The following TLN2 variants were observed in gnomAD, a reference collection of about 807,000 sequenced individuals.
The protein encoded by TLN2 is talin-2.
In TLN2, 118 loss-of-function variants were observed where a neutral mutation model predicts 294.7. The observed-to-expected ratio is 0.40, with a 90% CI of 0.34 to 0.47. The LOEUF (loss-of-function observed/expected upper bound fraction) is 0.47. TLN2 is among the 20% of genes least tolerant of loss of function. TLN2 has a pLI of 0.84. For synonymous variants in TLN2, 1,431 were observed against 1,304.5 expected (o/e 1.10, Z -2.09); for missense variants, 3,083 against 3,282.2 (o/e 0.94, Z 1.48).
rs375223503 is a variant in TLN2, at chr15:62,833,671, G to C, written c.7128+42G>C. ...ACCACATGCGGGACACTCAACGTAC[G>C]AGAGCCTCAGGGGGCCCAGGAAAAG... On this transcript the variant is annotated intron_variant, in intron 55 of 58. Transcript: ENST00000636159. 5 of 1,597,850 alleles carry C rather than the reference G, an allele frequency of 3.1e-6. No homozygotes were observed. In the South Asian group the frequency reaches 4.5e-5, roughly 14 times the overall value.
intron 2 of TLN2, among the ~76,000 whole-genome samples, chr15:62,607,587 A>C (rs2047558716): frequency 6.6e-6 from 1 of 152,226 alleles, no homozygotes; most frequent in South Asian, 2.1e-4. Flanking sequence ...CGAAACGTCC[A>C]AAAGGATCCC....
At chr15:62,393,742 A>G (rs1220947103) in intron 1 of TLN2, among the ~76,000 whole-genome samples, 1 of 152,024 alleles carries the variant, frequency 6.6e-6, no homozygotes, top group African/African-American at 2.4e-5. Context: ...TTTATTGCAA[A>G]CCCTCCAATC....
intron 1 of TLN2, among the ~76,000 whole-genome samples, chr15:62,426,151 G>A (rs2034693979): frequency 1.3e-5 from 2 of 152,182 alleles, no homozygotes; most frequent in African/African-American, 4.8e-5. Context: ...CCTTGGAGAA[G>A]CCATGGGGTG....
intron 2 of TLN2, among the ~76,000 whole-genome samples, chr15:62,616,042 ATTTTC>A (rs1315490151): frequency 1.3e-5 from 2 of 151,750 alleles, no homozygotes; most frequent in African/African-American, 4.8e-5. Flanking sequence ...TACTTGTTTT[ATTTTC>A]TTAATAAGCT....
Position 62,844,409 on chromosome 15 carries a change from C to G in TLN2, c.*3799C>G, listed in dbSNP as rs1236337214. On this transcript the variant is annotated 3_prime_UTR_variant, in exon 59 of 59. Coordinates refer to ENST00000636159, the MANE Select transcript of TLN2 (RefSeq NM_015059.3). ...TCCTCTGAGCCCACCTCCCAGCCCTCCAGGGAGCATCAGTGTACCTGAGTC... is the reference window on the plus strand; with the variant it reads ...TCCTCTGAGCCCACCTCCCAGCCCTGCAGGGAGCATCAGTGTACCTGAGTC... 1 of 152,040 alleles carries G rather than the reference C, an allele frequency of 6.6e-6. No individual in the cohort carries two copies. Among genetic ancestry groups the G allele is most frequent in the Non-Finnish European group, 1.5e-5 (1 of 68,010 alleles). The allele number at this position is 152,040 out of a possible 1,614,324, so 9.4% of individuals were successfully genotyped here. A position where few individuals can be genotyped will look rare whatever the true frequency, so the allele number is the denominator to read the frequency against.
chr15:62,526,085 A>T (rs1329016462), intron 1 of TLN2, among the ~76,000 whole-genome samples: 4 of 152,188 alleles, frequency 2.6e-5, no homozygotes, highest in African/African-American at 7.2e-5. Context: ...TATGTTACAT[A>T]CTCAATTAAC....
intron 53 of TLN2, among the ~76,000 whole-genome samples, chr15:62,819,977 C>G (rs778484371): frequency 6.6e-6 from 1 of 152,152 alleles, no homozygotes; most frequent in Non-Finnish European, 1.5e-5. Flanking sequence ...GAAAATGATG[C>G]TACCTGAAAA....
At position 62,841,843 on chromosome 15, in the gene TLN2, C is replaced by T. The variant is rs551706372; in HGVS notation, c.*1233C>T. ...GGCAGTGCATGGAAGATGAATGGCT[C>T]GTGGGACAGAATCTAATGCCAGGGA... On this transcript the variant is annotated 3_prime_UTR_variant, in exon 59 of 59. Coordinates refer to ENST00000636159, the MANE Select transcript of TLN2 (RefSeq NM_015059.3). 2.6e-5 allele frequency: 4 copies of T among 152,182 alleles called. No homozygotes were observed. The highest frequency in any genetic ancestry group is 7.2e-5 in the African/African-American group (3 of 41,524). The allele number at this position is 152,182 out of a possible 1,614,324, so 9.4% of individuals were successfully genotyped here.
intron 4 of TLN2, among the ~76,000 whole-genome samples, chr15:62,648,492 A>G (rs1211106933): frequency 2.0e-5 from 3 of 149,916 alleles, no homozygotes; most frequent in Non-Finnish European, 4.4e-5. Flanking sequence ...TCTTGAAAAG[A>G]TCTGCTTCTC....
At chr15:62,680,830 T>C (rs939154358) in intron 11 of TLN2, among the ~76,000 whole-genome samples, 19 of 152,150 alleles carry the variant, frequency 1.2e-4, no homozygotes, top group African/African-American at 4.6e-4. Flanking sequence ...AGCATATGGT[T>C]TTTGGTTTTC....
At chr15:62,716,297 G>A in intron 22 of TLN2, 34 bp from the exon 23 acceptor site, 1 of 1,552,600 alleles carries the variant, frequency 6.4e-7, no homozygotes, top group Non-Finnish European at 8.7e-7. Context: ...GTCTCCTGCT[G>A]GACCACTTGA....
At position 62,805,779 on chromosome 15, in the gene TLN2, T is replaced by C. The variant is rs200642903; in HGVS notation, c.6657T>C (p.Ala2219=). The C allele has an allele frequency of 6.2e-7, 1 of 1,613,116 alleles. No individual in the cohort carries two copies. The highest frequency in any genetic ancestry group is 1.3e-5 in the African/African-American group (1 of 75,056). ...AAGCCGTGTCAGATATGTTGACGGCTTGCAAGGTAAAGAGCTTGGCATGGT... is the reference window on the plus strand; with the variant it reads ...AAGCCGTGTCAGATATGTTGACGGCCTGCAAGGTAAAGAGCTTGGCATGGT... ...SRKAVSDMLT[A]CKQASFHPDV... is the part of the protein sequence containing the mutation. Residue 2219 remains alanine (A), a synonymous_variant, in exon 51 of 59, where the codon GCT becomes GCC. Transcript: ENST00000636159.
At chr15:62,708,124 T>G (rs948863339) in intron 20 of TLN2, among the ~76,000 whole-genome samples, 3 of 152,166 alleles carry the variant, frequency 2.0e-5, no homozygotes, top group African/African-American at 7.2e-5. Flanking sequence ...AATAGAATTC[T>G]TTTAGGTAGT....
chr15:62,437,750 G>T (rs2140299905), intron 1 of TLN2, among the ~76,000 whole-genome samples: 1 of 73,842 alleles, frequency 1.4e-5, no homozygotes, highest in East Asian at 3.0e-4. Flanking sequence ...AAACACCATG[G>T]GGGTGTGTGT....
intron 1 of TLN2, among the ~76,000 whole-genome samples, chr15:62,535,473 C>CAT (rs926111274): frequency 6.6e-6 from 1 of 151,580 alleles, no homozygotes; most frequent in African/African-American, 2.4e-5. Flanking sequence ...TGTGTACACA[C>CAT]ACACACACAC....
chr15:62,732,716 C>T (rs1026151208), intron 28 of TLN2, among the ~76,000 whole-genome samples: 4 of 151,792 alleles, frequency 2.6e-5, no homozygotes, highest in South Asian at 2.1e-4. Flanking sequence ...ACGAAGTGGT[C>T]GATTGAAGAA....
chr15:62,546,908 C>T (rs76008465), intron 1 of TLN2, among the ~76,000 whole-genome samples: 49 of 152,326 alleles, frequency 3.2e-4, no homozygotes, highest in Non-Finnish European at 6.0e-4. Flanking sequence ...TTGCCAAGCC[C>T]TTGGTCCGTA....
chr15:62,513,406 C>G (rs1035323301), intron 1 of TLN2, among the ~76,000 whole-genome samples: 2 of 152,326 alleles, frequency 1.3e-5, no homozygotes, highest in South Asian at 2.1e-4. Flanking sequence ...ATCTGTGATG[C>G]GTTGTCTCTT....
rs377131580 is a variant in TLN2, at chr15:62,478,643, G to A, written c.-238+87958G>A. On this transcript the variant is annotated intron_variant, in intron 1 of 58. Coordinates refer to ENST00000636159, the MANE Select transcript of TLN2 (RefSeq NM_015059.3). ...CAGTGCCAAGACCTAGTCCTCGAGG[G>A]CTCAGGCTGGGAGGTAGGAGGTGAG... Among the ~76,000 whole-genome samples the A allele has an allele frequency of 3.7e-4, 56 of 152,268 alleles. 1 individual carries two copies. The South Asian group carries it at 7.9e-3, about 21-fold the overall frequency.
Sources: allele counts gnomAD v4.1 joint callset (sites outside exome capture counted in the v4.1 genomes callset), GRCh38; gene constraint gnomAD v4.1.1; transcripts MANE v1.5; gene names NCBI Gene and HGNC (gene_info 2026-07-23, HGNC 2026-07-21).